Variants in TNR observed in about 807,000 individuals in gnomAD.
The protein encoded by TNR is tenascin R, also known as tenascin-R.
In TNR, 45 loss-of-function variants were observed where a neutral mutation model predicts 150.4. That is an observed-to-expected ratio of 0.30 (90% CI 0.24 to 0.38). TNR has a LOEUF of 0.38. Ranked by LOEUF, TNR falls within the 10% of genes least tolerant of loss-of-function variation. The pLI, the probability that TNR is intolerant of heterozygous loss-of-function variation, is 1.00. For missense variants in TNR, 1,544 were observed against 1,759.1 expected, an observed-to-expected ratio of 0.88 and a Z score of 2.19; for synonymous variants, 687 against 678.4, an observed-to-expected ratio of 1.01 and a Z score of -0.20.
In TNR at chr1:175,404,304, C is replaced by T. The variant is rs117300546; in HGVS notation, c.500-688G>A. On this transcript the variant is annotated intron_variant, in intron 3 of 22. Transcript: ENST00000367674. ...TCTTATGTGTTACAAACCTGTCTCGCTCCCTCCCTGCCTGCCATCTGACTC... is the reference window on the plus strand; with the variant it reads ...TCTTATGTGTTACAAACCTGTCTCGTTCCCTCCCTGCCTGCCATCTGACTC... Among the ~76,000 whole-genome samples, 18 of 152,240 alleles carry T rather than the reference C, an allele frequency of 1.2e-4. No individual in the cohort carries two copies. The East Asian group carries it at 3.5e-3, about 29-fold the overall frequency.
chr1:175,393,967 T>A, intron 5 of TNR, 72 bp from the exon 6 acceptor site: 2 of 1,239,732 alleles, frequency 1.6e-6, no homozygotes, highest in Non-Finnish European at 2.4e-6. Context: ...TGGTGCTTTG[T>A]CTTGGTGAAC....
In TNR at chr1:175,403,272, A is replaced by G. The variant is rs752376387; in HGVS notation, c.844T>C (p.Leu282=). 1.2e-6 allele frequency: 2 copies of G among 1,613,896 alleles called. No individual in the cohort carries two copies. The highest frequency in any genetic ancestry group is 2.7e-5 in the African/African-American group (2 of 74,854). ...GKGRCANGTC[L]CEEGYVGEDC... is the part of the protein sequence containing the mutation. ...TCACCAACGTAGCCCTCCTCGCATAAACAGGTACCGTTGGCACATCTCCCC... is the reference window on the plus strand; with the variant it reads ...TCACCAACGTAGCCCTCCTCGCATAGACAGGTACCGTTGGCACATCTCCCC... Residue 282 remains leucine, a synonymous_variant, in exon 4 of 23, where the codon TTA becomes CTA. Coordinates refer to ENST00000367674, the MANE Select transcript of TNR (RefSeq NM_003285.3).
At chr1:175,392,665 C>T (rs928133986) in intron 6 of TNR, among the ~76,000 whole-genome samples, 5 of 151,906 alleles carry the variant, frequency 3.3e-5, no homozygotes, top group African/African-American at 9.7e-5. Flanking sequence ...ATTTATTTAC[C>T]TTGCTGTGAT....
Position 175,320,788 on chromosome 1 carries a change from T to TTTCCTTCC in TNR, c.*2561_*2568dup, listed in dbSNP as rs35772982. 3 of 141,270 alleles carry TTTCCTTCC rather than the reference T, an allele frequency of 2.1e-5. No individual in the cohort carries two copies. The highest frequency in any genetic ancestry group is 5.2e-4 in the South Asian group (2 of 3,828). 8.8% of individuals were successfully genotyped at this position (141,270 alleles called of 1,614,324 possible). On this transcript the variant is annotated 3_prime_UTR_variant, in exon 23 of 23. Transcript: ENST00000367674. Reference sequence around the variant, plus strand: ...TTCCCTCCCTCCCTCCCCTTCCTTCTTTCCTTCCTTCCTTCCTTCCTTCTT... The same window carrying TTTCCTTCC: ...TTCCCTCCCTCCCTCCCCTTCCTTCTTTCCTTCCTTCCTTCCTTCCTTCCTTCCTTCTT...
At chr1:175,606,121 T>C (rs1284004383) in intron 1 of TNR, among the ~76,000 whole-genome samples, 2 of 152,198 alleles carry the variant, frequency 1.3e-5, no homozygotes, top group Non-Finnish European at 2.9e-5. Context: ...GGACTGGAGA[T>C]TTTGGGGCAA....
intron 2 of TNR, among the ~76,000 whole-genome samples, chr1:175,478,280 A>G (rs1571497458): frequency 6.6e-6 from 1 of 152,196 alleles, no homozygotes; most frequent in Non-Finnish European, 1.5e-5. Flanking sequence ...TATATTGTCC[A>G]CATGGAGCAA....
At chr1:175,579,173 C>CTTCCTTCT (rs1156974288) in intron 1 of TNR, among the ~76,000 whole-genome samples, 1 of 144,856 alleles carries the variant, frequency 6.9e-6, no homozygotes, top group East Asian at 2.3e-4. Flanking sequence ...TCTTTCCTTC[C>CTTCCTTCT]TTCCTTCCTT....
At position 175,365,202 on chromosome 1, in the gene TNR, G is replaced by A. The variant is rs1382983691; in HGVS notation, c.2395C>T (p.Pro799Ser). ...TTAAGAATGAGTCTGTCTGCTGGGGGAGATGGATCACTCCAAGTGATGTTC... is the reference window on the plus strand; with the variant it reads ...TTAAGAATGAGTCTGTCTGCTGGGGAAGATGGATCACTCCAAGTGATGTTC... The part of the protein sequence containing the change: ...SVNITWSDPS[P>S]PADRLILNYS... The change falls in exon 12 of 23, where the codon CCC (proline) becomes TCC (serine). Residue 799 changes from proline to serine, a missense_variant. Physicochemically the swap from Pro to Ser is moderately conservative, Grantham distance 74. Around this residue, in one of 2 missense-constraint regions of TNR, gnomAD observed 1,254 missense variants for 1,329.4 expected, o/e 0.94. Transcript: ENST00000367674. 2 of 1,614,130 alleles carry A rather than the reference G, an allele frequency of 1.2e-6. No homozygotes were observed. The highest frequency in any genetic ancestry group is 1.7e-6 in the Non-Finnish European group (2 of 1,180,010).
intron 1 of TNR, among the ~76,000 whole-genome samples, chr1:175,677,974 C>T (rs767959093): frequency 1.3e-5 from 2 of 151,990 alleles, no homozygotes; most frequent in Non-Finnish European, 2.9e-5. Context: ...GCTTTCCCAC[C>T]GAGAAGTGCA....
intron 2 of TNR, among the ~76,000 whole-genome samples, chr1:175,434,059 T>C (rs1265151201): frequency 6.6e-6 from 1 of 152,216 alleles, no homozygotes; most frequent in Non-Finnish European, 1.5e-5. Flanking sequence ...TTAAATTTTC[T>C]TGCAAAGTGT....
At position 175,386,031 on chromosome 1, in the gene TNR, C is replaced by A; in HGVS notation, c.1777+1G>T. 6.4e-7 allele frequency: 1 copy of A among 1,573,312 alleles called. No homozygotes were observed. The highest frequency in any genetic ancestry group is 8.7e-7 in the Non-Finnish European group (1 of 1,155,512). The stretch of plus-strand genomic sequence containing the variant: ...GCGTCTCTCCCCCACCGCAGCCTTA[C>A]CTGTTGTGAACTGAGTGGTGGCAGA... On this transcript the variant is annotated splice_donor_variant, in intron 8 of 22. Coordinates refer to ENST00000367674, the MANE Select transcript of TNR (RefSeq NM_003285.3). LOFTEE classifies it high-confidence loss of function.
At chr1:175,324,759 T>G (rs542442123) in intron 21 of TNR, among the ~76,000 whole-genome samples, 5 of 152,300 alleles carry the variant, frequency 3.3e-5, no homozygotes, top group South Asian at 4.1e-4. Context: ...GCTGAGAATT[T>G]TCTCCACTTA....
At chr1:175,658,302 G>C (rs1555561) in intron 1 of TNR, among the ~76,000 whole-genome samples, 1 of 151,852 alleles carries the variant, frequency 6.6e-6, no homozygotes, top group Non-Finnish European at 1.5e-5. Flanking sequence ...GAGGCATGGG[G>C]CAGTTAAGCA....
At chr1:175,650,116 T>C (rs531951866) in intron 1 of TNR, among the ~76,000 whole-genome samples, 1 of 152,310 alleles carries the variant, frequency 6.6e-6, no homozygotes, top group Non-Finnish European at 1.5e-5. Context: ...TTCATTTTGA[T>C]ATCAATGTTT....
chr1:175,373,262 C>T (rs1037207624), intron 9 of TNR, among the ~76,000 whole-genome samples: 1 of 152,104 alleles, frequency 6.6e-6, no homozygotes, highest in African/African-American at 2.4e-5. Context: ...AACCCAGGGA[C>T]TAATATAGGG....
At chr1:175,393,642 C>T in intron 6 of TNR, 138 bp downstream of exon 6, 1 of 738,562 alleles carries the variant, frequency 1.4e-6, no homozygotes, top group Non-Finnish European at 2.4e-6. Context: ...ATCCCAGACA[C>T]CCACAACATG....
chr1:175,702,300 G>A (rs1038350901), intron 1 of TNR, among the ~76,000 whole-genome samples: 1 of 152,132 alleles, frequency 6.6e-6, no homozygotes, highest in African/African-American at 2.4e-5. Flanking sequence ...CCACTGAGAC[G>A]CCTGCTCAGT....
At chr1:175,323,861 T>C (rs945271785) in intron 22 of TNR, among the ~76,000 whole-genome samples, 1 of 152,158 alleles carries the variant, frequency 6.6e-6, no homozygotes. Context: ...CTACCTAGGG[T>C]GACAAACCCT....
chr1:175,451,220 G>GT (rs1557942108), intron 2 of TNR, among the ~76,000 whole-genome samples: 5 of 122,650 alleles, frequency 4.1e-5, no homozygotes, highest in African/African-American at 1.7e-4. Context: ...TTTTTTTAAT[G>GT]TTTTTATTTT....
Sources: allele counts gnomAD v4.1 joint callset (sites outside exome capture counted in the v4.1 genomes callset), GRCh38; gene constraint gnomAD v4.1.1; regional missense constraint gnomAD v4.1.1; transcripts MANE v1.5; gene names NCBI Gene and HGNC (gene_info 2026-07-23, HGNC 2026-07-21).